The following POLE variants were observed in gnomAD, a reference collection of about 807,000 sequenced individuals.
The protein encoded by POLE is DNA polymerase epsilon, catalytic subunit.
Under a neutral mutation model 279.2 loss-of-function variants are expected in POLE, and 188 were observed. The observed-to-expected ratio is 0.67, with a 90% confidence interval of 0.60 to 0.76. The LOEUF (loss-of-function observed/expected upper bound fraction) is 0.76, where lower values mean the gene tolerates loss of function less well. POLE is among the 30% of genes least tolerant of loss of function. POLE has a pLI of 0.00. For synonymous variants in POLE, 1,214 were observed against 1,172.5 expected (o/e 1.04, Z -0.72); for missense variants, 2,703 against 3,016.7 (o/e 0.90, Z 2.44).
At chr12:132,626,555 T>C (rs965995712) in intron 45 of POLE, among the ~76,000 whole-genome samples, 1 of 152,152 alleles carries the variant, frequency 6.6e-6, no homozygotes, top group African/African-American at 2.4e-5. Flanking sequence ...TTCTACACAG[T>C]ATCTTTCAAA....
intron 39 of POLE, chr12:132,641,294 A>T: frequency 2.6e-6 from 1 of 386,748 alleles, no homozygotes; most frequent in Non-Finnish European, 5.0e-6. Flanking sequence ...ACGGCTCCTG[A>T]CACCTAAGTG....
rs140789389 is a variant in POLE, at chr12:132,668,176, G to A, written c.2173+180C>T. On this transcript the variant is annotated intron_variant, in intron 19 of 48. Transcript: ENST00000320574. This position sits in a 1 kb window ranked among gnomAD's most constrained non-coding sequence, Gnocchi z 4.0. ...CAGCAGTGTCTAACACTTGCAGATG[G>A]GGAAGCAAATAAAGGACCCTGCAGT... Among the ~76,000 whole-genome samples, 255 of 152,288 alleles carry A rather than the reference G, an allele frequency of 1.7e-3. No homozygotes were observed. Among genetic ancestry groups the A allele is most frequent in the Non-Finnish European group, 2.9e-3 (196 of 68,024 alleles).
intron 1 of POLE, among the ~76,000 whole-genome samples, chr12:132,686,375 G>T (rs2043267184): frequency 6.6e-6 from 1 of 152,056 alleles, no homozygotes; most frequent in African/African-American, 2.4e-5. Flanking sequence ...CTCCGGCTCG[G>T]ATTCGGGAGT....
intron 23 of POLE, among the ~76,000 whole-genome samples, chr12:132,662,803 G>A (rs906944846): frequency 1.3e-5 from 2 of 152,166 alleles, no homozygotes. Flanking sequence ...AGTGGCCCAA[G>A]GGGAACACGT....
intron 45 of POLE, among the ~76,000 whole-genome samples, chr12:132,628,339 TA>T (rs1223148248): frequency 2.7e-5 from 4 of 147,500 alleles, no homozygotes; most frequent in East Asian, 2.0e-4. Context: ...GACTCCATCT[TA>T]AAAAAAAAAC....
chr12:132,625,286 A>G (rs2041810371), intron 47 of POLE: 1 of 727,644 alleles, frequency 1.4e-6, no homozygotes, highest in African/African-American at 1.7e-5. Context: ...GCCGTGCACC[A>G]CCACACGGCA....
chr12:132,632,349 T>G lies in POLE; in HGVS notation c.6296A>C (p.Asn2099Thr). ...VLPGSHLLLN[N>T]PALEFIKYVC... ...GTATTTGATGAACTCCAGGGCAGGG[T>G]TATTGAGCAGCAAGTGGGAACCGGG... Residue 2099 changes from asparagine (N) to threonine (T), a missense_variant, in exon 45 of 49, where the codon AAC becomes ACC. Coordinates refer to ENST00000320574, the MANE Select transcript of POLE (RefSeq NM_006231.4). 1 of 1,614,048 alleles carries G rather than the reference T, an allele frequency of 6.2e-7. No individual in the cohort carries two copies.
chr12:132,627,197 G>A (rs1300390888), intron 45 of POLE, among the ~76,000 whole-genome samples: 5 of 151,962 alleles, frequency 3.3e-5, no homozygotes, highest in Admixed American at 1.3e-4. Flanking sequence ...GCAGGGAATC[G>A]CTTGAACCCA....
intron 16 of POLE, among the ~76,000 whole-genome samples, chr12:132,669,903 C>T (rs1476694332): frequency 6.6e-6 from 1 of 152,166 alleles, no homozygotes; most frequent in Non-Finnish European, 1.5e-5. Flanking sequence ...ACTTAGGAAT[C>T]GCTAACAGGA....
chr12:132,640,368 C>T (rs866240339), intron 39 of POLE, among the ~76,000 whole-genome samples: 1 of 152,194 alleles, frequency 6.6e-6, no homozygotes, highest in Non-Finnish European at 1.5e-5. Flanking sequence ...GTCTTCCCTA[C>T]GACACTAGGG....
At chr12:132,671,075 C>A (rs1415223971) in intron 16 of POLE, among the ~76,000 whole-genome samples, 1 of 150,656 alleles carries the variant, frequency 6.6e-6, no homozygotes, top group Non-Finnish European at 1.5e-5. Context: ...GCAGCCTGGC[C>A]AACGTGGTGA....
At chr12:132,628,152 G>A (rs1413895836) in intron 45 of POLE, among the ~76,000 whole-genome samples, 1 of 150,672 alleles carries the variant, frequency 6.6e-6, no homozygotes, top group Non-Finnish European at 1.5e-5. Flanking sequence ...GACCATCCTG[G>A]CTAACATGGT....
At position 132,649,075 on chromosome 12, in the gene POLE, G is replaced by A. The variant is rs1593748957; in HGVS notation, c.4006-3C>T. ...CCGGCCTGGCTGGTCTCGCTGATCT[G>A]AAAGGCCACACGGACATACAGCACA... On this transcript the variant is annotated splice_region_variant and splice_polypyrimidine_tract_variant and intron_variant, in intron 31 of 48. Transcript: ENST00000320574. The A allele has an allele frequency of 6.2e-7, 1 of 1,610,564 alleles. No homozygotes were observed. The highest frequency in any genetic ancestry group is 8.5e-7 in the Non-Finnish European group (1 of 1,179,234).
chr12:132,657,765 A>G (rs1280053603), intron 27 of POLE, 103 bp downstream of exon 27: 36 of 839,002 alleles, frequency 4.3e-5, no homozygotes, highest in Non-Finnish European at 7.2e-5. Flanking sequence ...GGAAGTCAAG[A>G]GTGAAGACGC....
chr12:132,643,423 G>A lies in POLE; in HGVS notation c.4428C>T (p.Phe1476=), dbSNP rs878854871. 3 of 1,614,136 alleles carry A rather than the reference G, an allele frequency of 1.9e-6. No homozygotes were observed. Among genetic ancestry groups the A allele is most frequent in the African/African-American group, 1.3e-5 (1 of 74,960 alleles). Residue 1476 remains phenylalanine, a synonymous_variant, in exon 34 of 49, where the codon TTC becomes TTT. Coordinates refer to ENST00000320574, the MANE Select transcript of POLE (RefSeq NM_006231.4). The part of the protein sequence containing the change: ...EHLEMRSLAQ[F]SYLEPGSIRH... ...AGGCCATACCTGGTTCCAGGTAGCTGAACTGGGCCAGAGAGCGCATCTCCA... is the reference window on the plus strand; with the variant it reads ...AGGCCATACCTGGTTCCAGGTAGCTAAACTGGGCCAGAGAGCGCATCTCCA...
intron 32 of POLE, among the ~76,000 whole-genome samples, chr12:132,646,560 C>T (rs1467772170): frequency 6.7e-6 from 1 of 150,308 alleles, no homozygotes; most frequent in Non-Finnish European, 1.5e-5. Flanking sequence ...GGGCCGGGCG[C>T]CATGGTTCAA....
intron 40 of POLE, 155 bp downstream of exon 40, chr12:132,638,970 G>C: frequency 1.5e-6 from 1 of 677,896 alleles, no homozygotes; most frequent in Non-Finnish European, 2.5e-6. Context: ...GCAGCTGCGT[G>C]TTTCTCTGGG....
chr12:132,630,442 A>G (rs1313349275), intron 45 of POLE, among the ~76,000 whole-genome samples: 1 of 152,184 alleles, frequency 6.6e-6, no homozygotes. Context: ...CAGGACAGCA[A>G]AGAAGCCCAT....
chr12:132,684,016 C>G (rs1215851620), intron 1 of POLE, among the ~76,000 whole-genome samples: 1 of 139,724 alleles, frequency 7.2e-6, no homozygotes, highest in African/African-American at 2.8e-5. Context: ...CACACAGGCT[C>G]TCATTCACAG....
Sources: allele counts gnomAD v4.1 joint callset (sites outside exome capture counted in the v4.1 genomes callset), GRCh38; gene constraint gnomAD v4.1.1; non-coding constraint Gnocchi (gnomAD v3.1); transcripts MANE v1.5; gene names NCBI Gene and HGNC (gene_info 2026-07-23, HGNC 2026-07-21).